The following PTPRD variants were observed in gnomAD, a reference collection of about 807,000 sequenced individuals.
PTPRD encodes protein tyrosine phosphatase receptor type D.
In PTPRD, 34 loss-of-function variants were observed where a neutral mutation model predicts 214.5. The ratio of observed to expected loss-of-function variants is 0.16; its 90% CI spans 0.12 to 0.21. PTPRD has a LOEUF of 0.21. Among genes scored for constraint, PTPRD ranks in the 10% least tolerant of loss-of-function variants. The probability of loss-of-function intolerance (pLI) is 1.00; values close to 1 mark genes in which losing one functional copy is unlikely to be tolerated. For missense variants in PTPRD, 2,545 were observed against 2,398.7 expected, an observed-to-expected ratio of 1.06 and a Z score of -1.27; for synonymous variants, 1,128 against 845.7, an observed-to-expected ratio of 1.33 and a Z score of -5.79.
chr9:9,690,843 C>T (rs1457147018), intron 7 of PTPRD, among the ~76,000 whole-genome samples: 3 of 150,648 alleles, frequency 2.0e-5, no homozygotes, highest in Non-Finnish European at 4.4e-5. Context: ...TATGCTAGTG[C>T]CATGCTGTTT....
At chr9:8,972,915 G>A (rs1202982108) in intron 11 of PTPRD, among the ~76,000 whole-genome samples, 1 of 150,910 alleles carries the variant, frequency 6.6e-6, no homozygotes, top group Non-Finnish European at 1.5e-5. Flanking sequence ...GTGGATCAAT[G>A]TTTTAGAGAC....
intron 6 of PTPRD, among the ~76,000 whole-genome samples, chr9:9,749,116 T>C (rs1237951484): frequency 1.3e-5 from 2 of 152,104 alleles, no homozygotes; most frequent in Non-Finnish European, 2.9e-5. Context: ...GATTCTAAAG[T>C]TTGGCAGAAG....
At chr9:9,682,291 A>G (rs2097090436) in intron 7 of PTPRD, among the ~76,000 whole-genome samples, 1 of 151,684 alleles carries the variant, frequency 6.6e-6, no homozygotes, top group South Asian at 2.1e-4. Context: ...TCCTATAGTT[A>G]TATTGGATCC....
intron 14 of PTPRD, among the ~76,000 whole-genome samples, chr9:8,625,758 A>G (rs189256192): frequency 4.4e-4 from 67 of 151,888 alleles, no homozygotes; most frequent in African/African-American, 1.4e-3. Context: ...AAGAAACAAA[A>G]AAGAAAGGCA....
intron 10 of PTPRD, among the ~76,000 whole-genome samples, chr9:9,118,589 A>G (rs933152912): frequency 2.6e-5 from 4 of 152,296 alleles, no homozygotes; most frequent in Non-Finnish European, 5.9e-5. Context: ...TTACTCATAC[A>G]TCTCCTCCCT....
intron 3 of PTPRD, among the ~76,000 whole-genome samples, chr9:10,224,650 T>C (rs946171801): frequency 4.6e-5 from 7 of 152,030 alleles, no homozygotes; most frequent in Non-Finnish European, 8.8e-5. Context: ...AAAAAAATAA[T>C]GTGCCATTGA....
At chr9:9,908,051 C>T (rs1464040208) in intron 5 of PTPRD, among the ~76,000 whole-genome samples, 1 of 146,326 alleles carries the variant, frequency 6.8e-6, no homozygotes, top group Non-Finnish European at 1.5e-5. Flanking sequence ...ACATATACAC[C>T]AAGATTAGGA....
At chr9:8,716,995 T>G (rs2098443767) in intron 12 of PTPRD, among the ~76,000 whole-genome samples, 1 of 152,070 alleles carries the variant, frequency 6.6e-6, no homozygotes, top group South Asian at 2.1e-4. Flanking sequence ...GCAAAACCCC[T>G]TGTCTACAAA....
chr9:9,117,429 A>G (rs2099813461), intron 10 of PTPRD, among the ~76,000 whole-genome samples: 1 of 152,182 alleles, frequency 6.6e-6, no homozygotes. Flanking sequence ...CAAATGAGAT[A>G]ATGCACATGA....
rs7856478 is a variant in PTPRD at position 8,903,950 on chromosome 9, A to C, written c.-104+114747T>G. Among the ~76,000 whole-genome samples the C allele has an allele frequency of 3.3e-3, 502 of 152,354 alleles. 1 individual carries two copies. The highest frequency in any genetic ancestry group is 0.011 in the African/African-American group (459 of 41,576). Reference sequence around the variant, plus strand: ...GTGTCTCATAGTAGATTTGTAAAGCAAGAAGTCTAAACGTGTTCACTTACA... The same window carrying C: ...GTGTCTCATAGTAGATTTGTAAAGCCAGAAGTCTAAACGTGTTCACTTACA... On this transcript the variant is annotated intron_variant, in intron 11 of 45. Coordinates refer to ENST00000381196, the MANE Select transcript of PTPRD (RefSeq NM_002839.4).
intron 12 of PTPRD, chr9:8,701,632 C>A (rs779957280): frequency 2.6e-5 from 4 of 152,144 alleles, no homozygotes; most frequent in Non-Finnish European, 5.9e-5. Flanking sequence ...CGTGAAACTC[C>A]GTCTCAAATA....
At chr9:8,571,657 A>G (rs767672457) in intron 14 of PTPRD, among the ~76,000 whole-genome samples, 1 of 152,184 alleles carries the variant, frequency 6.6e-6, no homozygotes, top group Non-Finnish European at 1.5e-5. Flanking sequence ...CCTCACTTTC[A>G]GATTTAGAAA....
intron 3 of PTPRD, among the ~76,000 whole-genome samples, chr9:10,313,816 C>T (rs1288036703): frequency 6.6e-6 from 1 of 151,994 alleles, no homozygotes; most frequent in East Asian, 1.9e-4. Flanking sequence ...TCCATAATAC[C>T]TTTCCCTTAC....
intron 11 of PTPRD, among the ~76,000 whole-genome samples, chr9:8,925,828 T>A (rs1314126310): frequency 6.7e-6 from 1 of 149,830 alleles, no homozygotes; most frequent in Non-Finnish European, 1.5e-5. Context: ...ATTCAACGCC[T>A]CCTCAATTTG....
At chr9:9,646,697 A>G (rs1303478853) in intron 7 of PTPRD, among the ~76,000 whole-genome samples, 1 of 152,132 alleles carries the variant, frequency 6.6e-6, no homozygotes, top group Non-Finnish European at 1.5e-5. Context: ...TAAGACCCTC[A>G]GTGGATGCCT....
chr9:9,526,194 C>T (rs1158661836), intron 8 of PTPRD, among the ~76,000 whole-genome samples: 3 of 152,092 alleles, frequency 2.0e-5, no homozygotes, highest in Non-Finnish European at 4.4e-5. Context: ...TTGTTCTATA[C>T]TCTGATATTG....
At chr9:8,821,882 A>C (rs1006040492) in intron 11 of PTPRD, among the ~76,000 whole-genome samples, 3 of 152,074 alleles carry the variant, frequency 2.0e-5, no homozygotes, top group African/African-American at 7.2e-5. Flanking sequence ...CCAGGCTGGT[A>C]TCGAACTCCT....
chr9:8,385,926 G>A (rs996658782), intron 37 of PTPRD, among the ~76,000 whole-genome samples: 1 of 152,110 alleles, frequency 6.6e-6, no homozygotes, highest in Non-Finnish European at 1.5e-5. Flanking sequence ...GACATGGAGA[G>A]GTTGGTCAGG....
intron 5 of PTPRD, among the ~76,000 whole-genome samples, chr9:9,897,584 C>G (rs1046984040): frequency 6.6e-6 from 1 of 151,890 alleles, no homozygotes; most frequent in Non-Finnish European, 1.5e-5. Context: ...TATCCTTGTA[C>G]TTTATTGTAA....
Sources: allele counts gnomAD v4.1 joint callset (sites outside exome capture counted in the v4.1 genomes callset), GRCh38; gene constraint gnomAD v4.1.1; transcripts MANE v1.5; gene names NCBI Gene and HGNC (gene_info 2026-07-23, HGNC 2026-07-21).